SLC14A2: variants seen among roughly 807,000 people sequenced by gnomAD.
SLC14A2 encodes solute carrier family 14 member 2, also known as urea transporter 2.
Under a neutral mutation model 104.6 loss-of-function variants are expected in SLC14A2, and 91 were observed. The ratio of observed to expected loss-of-function variants is 0.87; its 90% confidence interval spans 0.73 to 1.04. The LOEUF is 1.04. Ranked by LOEUF, SLC14A2 falls within the 50% of genes least tolerant of loss-of-function variation. The probability of loss-of-function intolerance (pLI) is 0.00; values close to 1 mark genes in which losing one functional copy is unlikely to be tolerated. For synonymous variants in SLC14A2, 476 were observed against 466.4 expected, an observed-to-expected ratio of 1.02 and a Z score of -0.27; for missense variants, 1,189 against 1,156.0, an observed-to-expected ratio of 1.03 and a Z score of -0.41.
rs568783548 is a variant in SLC14A2 at position 45,368,086 on chromosome 18, C to T, written c.-124-115147C>T. Reference sequence around the variant, plus strand: ...CCAGGAGGACAGAAGATAACAGACGCATCCTCCAAGCAGATTTAATGTGGG... The same window carrying T: ...CCAGGAGGACAGAAGATAACAGACGTATCCTCCAAGCAGATTTAATGTGGG... On this transcript the variant is annotated intron_variant, in intron 1 of 20. Coordinates refer to the SLC14A2 transcript ENST00000586448. Among the ~76,000 whole-genome samples the T allele has an allele frequency of 2.9e-3, 444 of 152,014 alleles. 1 individual carries two copies. The highest frequency in any genetic ancestry group is 9.7e-3 in the African/African-American group (403 of 41,466).
At chr18:45,350,094 AC>A (rs2085487510) in intron 1 of SLC14A2, among the ~76,000 whole-genome samples, 1 of 152,214 alleles carries the variant, frequency 6.6e-6, no homozygotes, top group Non-Finnish European at 1.5e-5. Context: ...CAAAACACAG[AC>A]CCTTGAGCAT....
upstream of SLC14A2, among the ~76,000 whole-genome samples, chr18:45,211,189 T>C (rs2083958323): frequency 6.6e-6 from 1 of 152,228 alleles, no homozygotes; most frequent in South Asian, 2.1e-4. Flanking sequence ...ACCTTTATCA[T>C]GCAGCCAAAA....
chr18:45,678,970 T>TTTTC lies in SLC14A2; in HGVS notation c.2513-5_2513-4insTTTC. The TTTTC allele has an allele frequency of 1.1e-5, 17 of 1,600,250 alleles. No individual in the cohort carries two copies. Among genetic ancestry groups the TTTTC allele is most frequent in the Non-Finnish European group, 1.4e-5 (17 of 1,177,368 alleles). ...TATTTCTTTCTTTTTTTTTTTTTTTTCTAGCACTGTTTGCTGCCTACCTGG... is the reference window on the plus strand; with the variant it reads ...TATTTCTTTCTTTTTTTTTTTTTTTTTTTCCTAGCACTGTTTGCTGCCTACCTGG... On this transcript the variant is annotated splice_region_variant and splice_polypyrimidine_tract_variant and intron_variant, in intron 18 of 19. Coordinates refer to ENST00000255226, the MANE Select transcript of SLC14A2 (RefSeq NM_007163.4).
intron 1 of SLC14A2, among the ~76,000 whole-genome samples, chr18:45,474,980 C>T (rs115534513): frequency 0.21 from 31,330 of 151,988 alleles, 3,696 homozygotes; most frequent in Non-Finnish European, 0.27. Context: ...AGGGTGTCGA[C>T]TCTAGATCTT....
intron 1 of SLC14A2, among the ~76,000 whole-genome samples, chr18:45,293,583 A>G (rs1268120574): frequency 6.6e-6 from 1 of 151,726 alleles, no homozygotes; most frequent in East Asian, 1.9e-4. Context: ...GTAGAATTGT[A>G]TTTCACAACA....
the SLC14A2 span, among the ~76,000 whole-genome samples, chr18:45,197,915 A>C: frequency 6.6e-6 from 1 of 152,212 alleles, no homozygotes; most frequent in Non-Finnish European, 1.5e-5. Flanking sequence ...GAGTAGAAGG[A>C]AAAATGAAAA....
the SLC14A2 span, among the ~76,000 whole-genome samples, chr18:45,191,809 C>A: frequency 6.6e-6 from 1 of 152,170 alleles, no homozygotes; most frequent in South Asian, 2.1e-4. Context: ...TGGGAGAAAC[C>A]AGGTAGAAAC....
rs1043653712 is a variant in SLC14A2 at position 45,653,794 on chromosome 18, G to A, written c.1351+9634G>A. 5.3e-5 allele frequency among the ~76,000 whole-genome samples: 8 copies of A among 152,148 alleles called. No individual in the cohort carries two copies. In the East Asian group the frequency reaches 1.5e-3, roughly 29 times the overall value. On this transcript the variant is annotated intron_variant, in intron 10 of 19. Transcript: ENST00000255226. ...ACTAGAAAGGCAGCATCTAGTATTG[G>A]GCTGTGCAGAAATTTCCATTCAGAT...
intron 1 of SLC14A2, among the ~76,000 whole-genome samples, chr18:45,420,418 A>T (rs967965806): frequency 6.6e-6 from 1 of 151,464 alleles, no homozygotes; most frequent in Non-Finnish European, 1.5e-5. Context: ...GGAAATAAAG[A>T]TCCACAGATC....
chr18:45,220,918 C>T (rs951526722), intron 1 of SLC14A2, among the ~76,000 whole-genome samples: 1 of 152,182 alleles, frequency 6.6e-6, no homozygotes, highest in African/African-American at 2.4e-5. Context: ...CTCACACAGC[C>T]TTTTCTCTGT....
At chr18:45,340,780 T>A (rs1053803046) in intron 1 of SLC14A2, among the ~76,000 whole-genome samples, 3 of 152,096 alleles carry the variant, frequency 2.0e-5, no homozygotes, top group Non-Finnish European at 2.9e-5. Flanking sequence ...AGAGTACTGG[T>A]GTGGAAGAAA....
chr18:45,610,784 G>A (rs1334501973), upstream of SLC14A2, among the ~76,000 whole-genome samples: 3 of 152,114 alleles, frequency 2.0e-5, no homozygotes, highest in Admixed American at 1.3e-4. Context: ...TTCACCTAGA[G>A]GTTTGTTTTG....
At chr18:45,608,474 G>C (rs938332448) in intron 2 of SLC14A2, among the ~76,000 whole-genome samples, 6 of 152,168 alleles carry the variant, frequency 3.9e-5, no homozygotes, top group South Asian at 4.1e-4. Context: ...TTTGGCTCTT[G>C]GGTCCATGCT....
chr18:45,620,229 C>A (rs1599074368), intron 1 of SLC14A2, among the ~76,000 whole-genome samples: 2 of 152,220 alleles, frequency 1.3e-5, no homozygotes, highest in African/African-American at 4.8e-5. Flanking sequence ...CCCAGGCGCT[C>A]AAGGGCCAGC....
At chr18:45,680,879 T>G (rs903131095) in intron 19 of SLC14A2, among the ~76,000 whole-genome samples, 1 of 152,176 alleles carries the variant, frequency 6.6e-6, no homozygotes. Context: ...GCAGTCTTAG[T>G]GGGGCTTTGG....
upstream of SLC14A2, chr18:45,614,787 T>C (rs1427910115): frequency 2.7e-5 from 4 of 148,688 alleles, no homozygotes; most frequent in East Asian, 6.0e-4. Context: ...TGGAAGTAAC[T>C]AACTTGCTTT....
At chr18:45,323,500 T>G (rs2085204873) in intron 1 of SLC14A2, among the ~76,000 whole-genome samples, 1 of 152,206 alleles carries the variant, frequency 6.6e-6, no homozygotes, top group South Asian at 2.1e-4. Flanking sequence ...AATTCCTAAA[T>G]CTGACCATAT....
chr18:45,234,828 T>C (rs925766641), intron 1 of SLC14A2, among the ~76,000 whole-genome samples: 2 of 152,186 alleles, frequency 1.3e-5, no homozygotes, highest in Non-Finnish European at 2.9e-5. Flanking sequence ...ATTTTGTTTT[T>C]ATTATTTAGC....
At chr18:45,416,971 G>A (rs1308090391) in intron 1 of SLC14A2, among the ~76,000 whole-genome samples, 1 of 152,210 alleles carries the variant, frequency 6.6e-6, no homozygotes, top group Non-Finnish European at 1.5e-5. Context: ...TGGAGCACGT[G>A]TGTGTACACA....
Sources: gnomAD v4.1 joint callset for allele counts (sites outside exome capture counted in the v4.1 genomes callset) on GRCh38, gnomAD v4.1.1 for gene constraint, MANE v1.5 for transcripts, NCBI Gene and HGNC (gene_info 2026-07-23, HGNC 2026-07-21) for gene names.